The following CDH12 variants were observed in gnomAD, a reference collection of about 807,000 sequenced individuals.
CDH12 encodes cadherin-12.
Under a neutral mutation model 74.1 loss-of-function variants are expected in CDH12, and 41 were observed. The ratio of observed to expected loss-of-function variants is 0.55; its 90% CI spans 0.43 to 0.72. The LOEUF is 0.72. Ranked by LOEUF, CDH12 falls within the 30% of genes least tolerant of loss-of-function variation. The probability of loss-of-function intolerance (pLI) is 0.00; values close to 1 mark genes in which losing one functional copy is unlikely to be tolerated. For synonymous variants in CDH12, 399 were observed against 355.0 expected (o/e 1.12, Z -1.39); for missense variants, 945 against 977.2 (o/e 0.97, Z 0.44).
At position 22,603,216 on chromosome 5, in the gene CDH12, G is replaced by T. The variant is rs1450111019; in HGVS notation, c.-522-97852C>A. Among the ~76,000 whole-genome samples the T allele has an allele frequency of 3.3e-5, 5 of 151,926 alleles. No homozygotes were observed. In the East Asian group the frequency reaches 9.6e-4, roughly 29 times the overall value. Reference sequence around the variant, plus strand: ...TCTCATAGAAAAAGATGTGGATGGGGTAATCAACAAAACAGCAACTATTGA... The same window carrying T: ...TCTCATAGAAAAAGATGTGGATGGGTTAATCAACAAAACAGCAACTATTGA... On this transcript the variant is annotated intron_variant, in intron 1 of 14. Transcript: ENST00000382254.
chr5:22,798,327 T>C (rs1748335039), intron 1 of CDH12, among the ~76,000 whole-genome samples: 1 of 152,160 alleles, frequency 6.6e-6, no homozygotes, highest in Non-Finnish European at 1.5e-5. Flanking sequence ...AAAACTATAA[T>C]AGTTTAAATA....
rs1355091861 is a variant in CDH12, at chr5:22,685,859, G to A, written c.-523+167199C>T. On this transcript the variant is annotated intron_variant, in intron 1 of 14. Coordinates refer to ENST00000382254, the MANE Select transcript of CDH12 (RefSeq NM_004061.5). ...TTATGATTAATGCCATTACGAACAT[G>A]TGTGTACAAGTTCGTATGGACATAT... 3.9e-5 allele frequency among the ~76,000 whole-genome samples: 6 copies of A among 152,240 alleles called. No homozygotes were observed. In the East Asian group the frequency reaches 1.2e-3, roughly 29 times the overall value.
At chr5:22,521,518 T>G (rs1737054275) in intron 1 of CDH12, among the ~76,000 whole-genome samples, 1 of 152,182 alleles carries the variant, frequency 6.6e-6, no homozygotes, top group African/African-American at 2.4e-5. Context: ...CTACATATTC[T>G]ATACCATGCT....
chr5:22,808,874 TG>T (rs1748966211), intron 1 of CDH12, among the ~76,000 whole-genome samples: 1 of 148,542 alleles, frequency 6.7e-6, no homozygotes, highest in African/African-American at 2.5e-5. Context: ...CCTGAAGTGC[TG>T]GGATTACAGG....
intron 6 of CDH12, among the ~76,000 whole-genome samples, chr5:21,927,226 A>G (rs562223955): frequency 6.6e-6 from 1 of 152,316 alleles, no homozygotes; most frequent in East Asian, 1.9e-4. Context: ...ATTAACCATG[A>G]CATTTAAGAT....
chr5:22,404,050 A>G (rs1282361436), intron 3 of CDH12, among the ~76,000 whole-genome samples: 2 of 152,152 alleles, frequency 1.3e-5, no homozygotes, highest in Admixed American at 6.6e-5. Flanking sequence ...AGGATGAAGG[A>G]GCAATTGTAG....
At chr5:22,392,143 C>T (rs1742275040) in intron 3 of CDH12, among the ~76,000 whole-genome samples, 1 of 152,172 alleles carries the variant, frequency 6.6e-6, no homozygotes, top group South Asian at 2.1e-4. Flanking sequence ...GGGAGACTCA[C>T]TAAATAACGA....
chr5:22,621,219 TAGACTG>T (rs1434508049), intron 1 of CDH12, among the ~76,000 whole-genome samples: 1 of 151,934 alleles, frequency 6.6e-6, no homozygotes. Flanking sequence ...CCTTTGCCCT[TAGACTG>T]GGCCAACCAG....
In CDH12 at chr5:22,243,972, A is replaced by G. The variant is rs1435667167; in HGVS notation, c.-332-31329T>C. Among the ~76,000 whole-genome samples, 3 of 152,326 alleles carry G rather than the reference A, an allele frequency of 2.0e-5. No homozygotes were observed. The East Asian group carries it at 5.8e-4, about 29-fold the overall frequency. ...CTAAATTTTAATTATTTTAAAAGGG[A>G]TAAATTAAATTGGGATCTTAAAGAG... On this transcript the variant is annotated intron_variant, in intron 3 of 14. Coordinates refer to ENST00000382254, the MANE Select transcript of CDH12 (RefSeq NM_004061.5).
chr5:22,554,424 A>T (rs1738709705), intron 1 of CDH12, among the ~76,000 whole-genome samples: 1 of 152,078 alleles, frequency 6.6e-6, no homozygotes, highest in African/African-American at 2.4e-5. Context: ...GTATATGAGA[A>T]ATGTCTGTAT....
intron 3 of CDH12, among the ~76,000 whole-genome samples, chr5:22,252,176 CA>C (rs1017140929): frequency 2.0e-5 from 3 of 150,826 alleles, no homozygotes; most frequent in Middle Eastern, 3.4e-3. Flanking sequence ...CAAAATGAAA[CA>C]AAAAAAGAGA....
At chr5:22,747,331 A>G (rs2127027974) in intron 1 of CDH12, among the ~76,000 whole-genome samples, 1 of 152,198 alleles carries the variant, frequency 6.6e-6, no homozygotes, top group South Asian at 2.1e-4. Context: ...CCCCATTTAT[A>G]AACAGTAAAA....
intron 1 of CDH12, among the ~76,000 whole-genome samples, chr5:22,822,128 G>A (rs958590620): frequency 6.6e-6 from 1 of 152,058 alleles, no homozygotes; most frequent in African/African-American, 2.4e-5. Flanking sequence ...ACAAGCAATG[G>A]GGAAAGGATT....
chr5:22,040,813 T>C (rs2150183031), intron 5 of CDH12, among the ~76,000 whole-genome samples: 2 of 152,198 alleles, frequency 1.3e-5, no homozygotes, highest in Admixed American at 6.5e-5. Context: ...AGGGAGTTCT[T>C]ATAGTAGAAA....
At chr5:22,277,321 C>CTT (rs1736677084) in intron 3 of CDH12, among the ~76,000 whole-genome samples, 1 of 152,164 alleles carries the variant, frequency 6.6e-6, no homozygotes, top group Non-Finnish European at 1.5e-5. Context: ...TCACCAACCA[C>CTT]TCGGGGCTAA....
intron 5 of CDH12, among the ~76,000 whole-genome samples, chr5:22,039,873 T>C (rs908269515): frequency 2.0e-5 from 3 of 151,998 alleles, no homozygotes; most frequent in Non-Finnish European, 4.4e-5. Flanking sequence ...GAGATGATTA[T>C]TCAAACAGAT....
chr5:22,660,237 A>C (rs1423026881), intron 1 of CDH12, among the ~76,000 whole-genome samples: 1 of 152,164 alleles, frequency 6.6e-6, no homozygotes, highest in Non-Finnish European at 1.5e-5. Flanking sequence ...ACACACTCAA[A>C]ATATATTCTG....
intron 1 of CDH12, among the ~76,000 whole-genome samples, chr5:22,741,034 G>A (rs148346105): frequency 1.4e-3 from 220 of 152,230 alleles, no homozygotes; most frequent in Non-Finnish European, 2.6e-3. Context: ...TGACACCAAA[G>A]TAGAAGAGAA....
At chr5:22,111,455 C>T (rs1343702809) in intron 4 of CDH12, among the ~76,000 whole-genome samples, 1 of 152,130 alleles carries the variant, frequency 6.6e-6, no homozygotes, top group African/African-American at 2.4e-5. Flanking sequence ...TCTCTGTTCT[C>T]TATACTTTGT....
Sources: gnomAD v4.1 joint callset for allele counts (sites outside exome capture counted in the v4.1 genomes callset) on GRCh38, gnomAD v4.1.1 for gene constraint, MANE v1.5 for transcripts, NCBI Gene and HGNC (gene_info 2026-07-23, HGNC 2026-07-21) for gene names.